Variants in MED13 observed in about 807,000 individuals in gnomAD.
MED13 encodes mediator complex subunit 13.
A neutral mutation model predicts 225.2 loss-of-function variants in MED13; 23 were observed. That is an observed-to-expected ratio of 0.10 (90% CI 0.07 to 0.14). The LOEUF (loss-of-function observed/expected upper bound fraction) is 0.14, where lower values mean the gene tolerates loss of function less well. Among genes scored for constraint, MED13 ranks in the 10% least tolerant of loss-of-function variants. The pLI, the probability that MED13 is intolerant of heterozygous loss-of-function variation, is 1.00. For synonymous variants in MED13, 942 were observed against 889.2 expected (o/e 1.06, Z -1.06); for missense variants, 2,197 against 2,594.5 (o/e 0.85, Z 3.33).
chr17:61,965,616 C>A (rs771822323), intron 19 of MED13, 148 bp from the exon 20 acceptor site: 4 of 741,044 alleles, frequency 5.4e-6, no homozygotes, highest in Non-Finnish European at 8.4e-6. Flanking sequence ...GTGACCTACA[C>A]TTGCTTTCTA....
chr17:61,949,088 A>C (rs77767035), intron 28 of MED13, among the ~76,000 whole-genome samples: 3 of 144,194 alleles, frequency 2.1e-5, no homozygotes, highest in Non-Finnish European at 4.6e-5. Flanking sequence ...ACTCCGTCTC[A>C]AAAAAAAAAA....
Position 61,962,908 on chromosome 17 carries a change from T to C in MED13, c.4908A>G (p.Pro1636=), listed in dbSNP as rs777892271. The change falls in exon 21 of 30, where the codon CCA becomes CCG. Residue 1636 remains proline (P), a synonymous_variant. Coordinates refer to ENST00000397786, the MANE Select transcript of MED13 (RefSeq NM_005121.3). ...CAATTATATAAACAACAATTGCAGG[T>C]GGATACGTGACTGCATGTGAATCAC... ...TDGDSHAVTY[P]PAIVVYIIDP... is the part of the protein sequence containing the mutation. 1.2e-6 allele frequency: 2 copies of C among 1,613,962 alleles called. No homozygotes were observed. The highest frequency in any genetic ancestry group is 1.7e-6 in the Non-Finnish European group (2 of 1,179,976).
chr17:62,050,140 C>T (rs2080942963), intron 3 of MED13, among the ~76,000 whole-genome samples: 1 of 152,004 alleles, frequency 6.6e-6, no homozygotes, highest in South Asian at 2.1e-4. Flanking sequence ...GAGTGGATCA[C>T]TTGAGGTCAA....
intron 9 of MED13, among the ~76,000 whole-genome samples, chr17:61,996,137 C>T (rs1603399437): frequency 6.6e-6 from 1 of 152,052 alleles, no homozygotes; most frequent in East Asian, 1.9e-4. Flanking sequence ...CCACAGAAAG[C>T]TGAAATCTAA....
intron 16 of MED13, among the ~76,000 whole-genome samples, chr17:61,974,143 G>A (rs1440233777): frequency 6.6e-6 from 1 of 152,168 alleles, no homozygotes; most frequent in Non-Finnish European, 1.5e-5. Flanking sequence ...CTTGGGTGGT[G>A]GCTCATGCCT....
chr17:62,058,744 A>G (rs2081015419), intron 2 of MED13, among the ~76,000 whole-genome samples: 1 of 152,184 alleles, frequency 6.6e-6, no homozygotes, highest in Non-Finnish European at 1.5e-5. Context: ...AGTTTGGCTA[A>G]TACTAGTTAG....
intron 3 of MED13, among the ~76,000 whole-genome samples, chr17:62,051,492 G>C (rs1471049376): frequency 2.0e-5 from 3 of 152,074 alleles, no homozygotes; most frequent in Non-Finnish European, 4.4e-5. Context: ...GTCATTTCCA[G>C]CTGAATGCAT....
At chr17:61,950,457 C>A (rs1311750760) in intron 28 of MED13, among the ~76,000 whole-genome samples, 1 of 151,148 alleles carries the variant, frequency 6.6e-6, no homozygotes, top group Admixed American at 6.6e-5. Context: ...GATCTCGGCT[C>A]ACTGCAACCT....
intron 2 of MED13, among the ~76,000 whole-genome samples, chr17:62,059,841 G>C (rs1277906177): frequency 2.0e-5 from 3 of 152,148 alleles, no homozygotes; most frequent in Admixed American, 6.5e-5. Flanking sequence ...TAAATAACAG[G>C]TTTTATTTTT....
chr17:62,027,728 T>TA (rs890437942), intron 8 of MED13, among the ~76,000 whole-genome samples: 46 of 151,614 alleles, frequency 3.0e-4, no homozygotes, highest in African/African-American at 6.8e-4. Context: ...AATTTATATA[T>TA]AAAAAAAATC....
At position 62,039,143 on chromosome 17, in the gene MED13, C is replaced by T. The variant is rs557492140; in HGVS notation, c.471-3535G>A. Among the ~76,000 whole-genome samples the T allele has an allele frequency of 5.9e-5, 9 of 152,308 alleles. No individual in the cohort carries two copies. The South Asian group carries it at 1.0e-3, about 18-fold the overall frequency. On this transcript the variant is annotated intron_variant, in intron 3 of 29. Coordinates refer to ENST00000397786, the MANE Select transcript of MED13 (RefSeq NM_005121.3). ...GCCACTACCCTATTTACTAACAACA[C>T]TCAATCCCAGCAGTCTATGATCAAA...
intron 3 of MED13, among the ~76,000 whole-genome samples, chr17:62,043,387 T>TTA: frequency 6.6e-6 from 1 of 152,092 alleles, no homozygotes; most frequent in East Asian, 1.9e-4. Flanking sequence ...GGACAAAACA[T>TTA]TATAGACAGG....
intron 17 of MED13, among the ~76,000 whole-genome samples, chr17:61,970,419 G>A (rs1280603850): frequency 1.3e-5 from 2 of 152,098 alleles, no homozygotes; most frequent in Admixed American, 6.6e-5. Context: ...GGTGGCTCAC[G>A]CCTGTAATCT....
chr17:62,036,090 CTT>C (rs199531154), intron 3 of MED13, among the ~76,000 whole-genome samples: 2 of 136,938 alleles, frequency 1.5e-5, no homozygotes, highest in Admixed American at 7.3e-5. Flanking sequence ...GTACCCAGCT[CTT>C]TTTTTTTTTT....
intron 3 of MED13, among the ~76,000 whole-genome samples, chr17:62,039,732 C>T (rs567782506): frequency 7.2e-5 from 11 of 151,964 alleles, no homozygotes; most frequent in African/African-American, 2.2e-4. Flanking sequence ...GCTGGGATGA[C>T]AGGCGCCTGC....
At chr17:62,047,794 T>C (rs1342266091) in intron 3 of MED13, among the ~76,000 whole-genome samples, 1 of 151,866 alleles carries the variant, frequency 6.6e-6, no homozygotes, top group Non-Finnish European at 1.5e-5. Flanking sequence ...GGTCTAGCTA[T>C]GTTTCCCAGG....
intron 21 of MED13, among the ~76,000 whole-genome samples, chr17:61,962,538 G>A (rs1405326974): frequency 6.6e-6 from 1 of 151,976 alleles, no homozygotes; most frequent in African/African-American, 2.4e-5. Flanking sequence ...GTACTTAATG[G>A]AATTTTTTTA....
intron 5 of MED13, chr17:62,032,220 T>C (rs1262518010): frequency 1.3e-5 from 2 of 151,560 alleles, no homozygotes; most frequent in African/African-American, 4.8e-5. Context: ...ACACCTGTAA[T>C]CCTAGCACTT....
At chr17:61,984,572 A>G (rs2080232330) in intron 14 of MED13, 79 bp downstream of exon 14, 2 of 1,304,096 alleles carry the variant, frequency 1.5e-6, no homozygotes, top group Admixed American at 4.9e-5. Context: ...ACTATAAAAT[A>G]ATTTTTGACT....
Sources: allele counts gnomAD v4.1 joint callset (sites outside exome capture counted in the v4.1 genomes callset), GRCh38; gene constraint gnomAD v4.1.1; transcripts MANE v1.5; gene names NCBI Gene and HGNC (gene_info 2026-07-23, HGNC 2026-07-21).